Variants in SMAD4 observed in about 807,000 individuals in gnomAD.
SMAD4 encodes the protein SMAD family member 4.
SMAD4 carries 7 observed loss-of-function variants against 63.2 expected under a neutral mutation model. The observed-to-expected ratio is 0.11, with a 90% CI of 0.06 to 0.21. SMAD4 has a LOEUF of 0.21. Among genes scored for constraint, SMAD4 ranks in the 10% least tolerant of loss-of-function variants. The pLI is 1.00. For synonymous variants in SMAD4, 215 were observed against 235.4 expected (o/e 0.91, Z 0.79); for missense variants, 312 against 693.8 (o/e 0.45, Z 6.18).
At position 51,079,468 on chromosome 18, in the gene SMAD4, T is replaced by TA. The variant is rs543950258; in HGVS notation, c.*1002dup. The TA allele has an allele frequency of 1.6e-3, 385 of 233,470 alleles. 2 individuals are homozygous for TA. Among genetic ancestry groups the TA allele is most frequent in the African/African-American group, 8.0e-3 (362 of 45,466 alleles). 14.5% of individuals were successfully genotyped at this position (233,470 alleles called of 1,614,324 possible). ...ATACTGTGCAGAATAATGGAAACAT[T>TA]ACAGTTCATAATAGGTAGTTTGGAT... On this transcript the variant is annotated 3_prime_UTR_variant, in exon 12 of 12. Coordinates refer to ENST00000342988, the MANE Select transcript of SMAD4 (RefSeq NM_005359.6).
chr18:51,047,947 C>T (rs1356676008), intron 2 of SMAD4, among the ~76,000 whole-genome samples: 11 of 151,990 alleles, frequency 7.2e-5, no homozygotes, highest in African/African-American at 2.7e-4. Flanking sequence ...TACATTTAAA[C>T]AACCGGATTA....
chr18:51,053,999 C>T (rs907511906), intron 4 of SMAD4: 1 of 152,112 alleles, frequency 6.6e-6, no homozygotes, highest in African/African-American at 2.4e-5. Flanking sequence ...TTTCAGTTTT[C>T]TTTTTGTCAT....
chr18:51,059,059 G>A (rs1909930151), intron 7 of SMAD4, among the ~76,000 whole-genome samples: 1 of 151,982 alleles, frequency 6.6e-6, no homozygotes, highest in Admixed American at 6.5e-5. Flanking sequence ...AATAAGAAAA[G>A]CAAAATTACC....
At position 51,048,645 on chromosome 18, in the gene SMAD4, C is replaced by T. The variant is rs2144404838; in HGVS notation, c.250-41C>T. ...AATCAGAATATATAAAAGTGTCTTG[C>T]ATAATGTGACACATGAATAAATGGT... is the stretch of plus-strand genomic sequence containing the variant. On this transcript the variant is annotated intron_variant, in intron 2 of 11. Coordinates refer to ENST00000342988, the MANE Select transcript of SMAD4 (RefSeq NM_005359.6). 1.9e-6 allele frequency: 3 copies of T among 1,557,516 alleles called. No individual in the cohort carries two copies. Among genetic ancestry groups the T allele is most frequent in the South Asian group, 1.1e-5 (1 of 89,830 alleles).
chr18:51,051,039 A>G lies in SMAD4; in HGVS notation c.454+1715A>G, dbSNP rs144758037. 1.6e-3 allele frequency: 258 copies of G among 158,528 alleles called. 1 individual carries two copies. The highest frequency in any genetic ancestry group is 5.8e-3 in the African/African-American group (241 of 41,476). 9.8% of individuals were successfully genotyped at this position (158,528 alleles called of 1,614,324 possible). A position where few individuals can be genotyped will look rare whatever the true frequency, so the allele number is the denominator to read the frequency against. Reference sequence around the variant, plus strand: ...TTGTATCACTTCTTTTTTTTTTTGAAAGTAAACACGTTTCATATCTTCACC... The same window carrying G: ...TTGTATCACTTCTTTTTTTTTTTGAGAGTAAACACGTTTCATATCTTCACC... On this transcript the variant is annotated intron_variant, in intron 4 of 11. Coordinates refer to ENST00000342988, the MANE Select transcript of SMAD4 (RefSeq NM_005359.6).
intron 1 of SMAD4, among the ~76,000 whole-genome samples, chr18:51,037,691 G>GTGTTAT (rs1456088196): frequency 2.6e-5 from 4 of 152,214 alleles, no homozygotes; most frequent in Non-Finnish European, 5.9e-5. Flanking sequence ...AAAAGCACTT[G>GTGTTAT]TGTTATTGAG....
intron 11 of SMAD4, among the ~76,000 whole-genome samples, chr18:51,077,574 A>G (rs1332395580): frequency 6.6e-6 from 1 of 152,170 alleles, no homozygotes; most frequent in Non-Finnish European, 1.5e-5. Flanking sequence ...TGCAGTCTCC[A>G]TTGTGACTTA....
chr18:51,060,038 G>A lies in SMAD4; in HGVS notation c.955+122G>A, dbSNP rs1909965073. The A allele has an allele frequency of 1.6e-5, 12 of 751,148 alleles. No homozygotes were observed. The South Asian group carries it at 1.7e-4, about 11-fold the overall frequency. The allele number at this position is 751,148 out of a possible 1,614,324, so 46.5% of individuals were successfully genotyped here. On this transcript the variant is annotated intron_variant, in intron 8 of 11. Transcript: ENST00000342988. Reference sequence around the variant, plus strand: ...CTCAGATGAGTACAATACTCATCATGACATGAGTTAATCAACAGTTTGAGT... The same window carrying A: ...CTCAGATGAGTACAATACTCATCATAACATGAGTTAATCAACAGTTTGAGT...
Position 51,078,861 on chromosome 18 carries a change from C to G in SMAD4, c.*394C>G. On this transcript the variant is annotated 3_prime_UTR_variant, in exon 12 of 12. Coordinates refer to ENST00000342988, the MANE Select transcript of SMAD4 (RefSeq NM_005359.6). Reference sequence around the variant, plus strand: ...TGCTGATTTTAAAGGCAGAGAAGTTCTCAAAGTTAATTCACCTATGTTATT... The same window carrying G: ...TGCTGATTTTAAAGGCAGAGAAGTTGTCAAAGTTAATTCACCTATGTTATT... The G allele has an allele frequency of 4.0e-6, 1 of 249,158 alleles. No individual in the cohort carries two copies. The highest frequency in any genetic ancestry group is 7.8e-6 in the Non-Finnish European group (1 of 127,468). 15.4% of individuals were successfully genotyped at this position (249,158 alleles called of 1,614,324 possible). A position where few individuals can be genotyped will look rare whatever the true frequency, so the allele number is the denominator to read the frequency against.
rs1910177996 is a variant in SMAD4, at chr18:51,066,999, A to T, written c.1140-20A>T. On this transcript the variant is annotated intron_variant, in intron 9 of 11. Transcript: ENST00000342988. ...AAAATACTTATCAAGATAAAATGTA[A>T]TTTCTTTTTTCTTCCTAAGGTTGCA... 6.3e-7 allele frequency: 1 copy of T among 1,581,972 alleles called. No homozygotes were observed. Among genetic ancestry groups the T allele is most frequent in the Non-Finnish European group, 8.7e-7 (1 of 1,151,622 alleles).
intron 5 of SMAD4, 44 bp from the exon 6 acceptor site, chr18:51,058,081 G>T: frequency 6.2e-7 from 1 of 1,609,102 alleles, no homozygotes; most frequent in South Asian, 1.1e-5. Flanking sequence ...ATCATAAGAT[G>T]ACATCTATGA....
At chr18:51,051,202 C>A (rs1909701715) in intron 4 of SMAD4, 1 of 327,984 alleles carries the variant, frequency 3.0e-6, no homozygotes. Context: ...TCATCACACA[C>A]CTCCCCTATT....
At chr18:51,067,901 A>G (rs767923614) in intron 10 of SMAD4, among the ~76,000 whole-genome samples, 21 of 152,334 alleles carry the variant, frequency 1.4e-4, no homozygotes, top group Non-Finnish European at 1.8e-4. Flanking sequence ...TAAGCCTGAA[A>G]TATTTTTCAC....
intron 1 of SMAD4, among the ~76,000 whole-genome samples, chr18:51,031,909 C>T (rs1387781261): frequency 6.6e-6 from 1 of 151,892 alleles, no homozygotes; most frequent in African/African-American, 2.4e-5. Flanking sequence ...ATGCTAAGGA[C>T]TTACTCTCTC....
chr18:51,041,286 C>G (rs1285104197), intron 1 of SMAD4, among the ~76,000 whole-genome samples: 1 of 152,192 alleles, frequency 6.6e-6, no homozygotes, highest in African/African-American at 2.4e-5. Context: ...TTCCTTCAGC[C>G]TGGCAAATTC....
chr18:51,034,397 C>G (rs1413046168), intron 1 of SMAD4, among the ~76,000 whole-genome samples: 3 of 152,090 alleles, frequency 2.0e-5, no homozygotes, highest in African/African-American at 7.2e-5. Context: ...CAGGCGTGCG[C>G]CACCATGCCA....
intron 1 of SMAD4, among the ~76,000 whole-genome samples, chr18:51,043,853 A>G (rs1018673768): frequency 6.6e-6 from 1 of 152,242 alleles, no homozygotes; most frequent in African/African-American, 2.4e-5. Context: ...AATGACTTCA[A>G]AAGTGTCTGC....
intron 4 of SMAD4, chr18:51,053,114 A>G (rs1300594518): frequency 6.6e-6 from 1 of 152,240 alleles, no homozygotes; most frequent in Non-Finnish European, 1.5e-5. Flanking sequence ...AGCAGAATAC[A>G]GTTGGTACAT....
At chr18:51,051,746 C>A (rs1909719379) in intron 4 of SMAD4, among the ~76,000 whole-genome samples, 2 of 151,992 alleles carry the variant, frequency 1.3e-5, no homozygotes, top group African/African-American at 2.4e-5. Context: ...CTAAGGTGGG[C>A]CCAGTGGTTT....
Sources: gnomAD v4.1 joint callset for allele counts (sites outside exome capture counted in the v4.1 genomes callset) on GRCh38, gnomAD v4.1.1 for gene constraint, MANE v1.5 for transcripts, NCBI Gene and HGNC (gene_info 2026-07-23, HGNC 2026-07-21) for gene names.